Variants in SCAF11 observed in about 807,000 individuals in gnomAD.
SCAF11 encodes the protein SR-related CTD associated factor 11, also known as protein SCAF11.
Under a neutral mutation model 140.5 loss-of-function variants are expected in SCAF11, and 47 were observed. The observed-to-expected ratio is 0.33, with a 90% confidence interval of 0.26 to 0.43. The LOEUF (loss-of-function observed/expected upper bound fraction) is 0.43. SCAF11 is among the 20% of genes least tolerant of loss of function. SCAF11 has a pLI of 1.00. For synonymous variants in SCAF11, 557 were observed against 579.4 expected (o/e 0.96, Z 0.55); for missense variants, 1,645 against 1,705.1 (o/e 0.96, Z 0.62).
At chr12:45,951,251 A>G (rs1311871623) in intron 4 of SCAF11, among the ~76,000 whole-genome samples, 1 of 152,104 alleles carries the variant, frequency 6.6e-6, no homozygotes, top group African/African-American at 2.4e-5. Context: ...TTCATTTCAA[A>G]CATTTTTTCA....
chr12:45,940,620 A>C (rs1741697923), intron 6 of SCAF11, among the ~76,000 whole-genome samples: 1 of 152,230 alleles, frequency 6.6e-6, no homozygotes, highest in Admixed American at 6.5e-5. Context: ...AGACAGAGTT[A>C]TCTTATTAAC....
At chr12:45,972,941 T>C (rs868315376) in intron 1 of SCAF11, among the ~76,000 whole-genome samples, 1 of 108,588 alleles carries the variant, frequency 9.2e-6, no homozygotes, top group African/African-American at 3.5e-5. Flanking sequence ...TATATATAGA[T>C]ATATATATAG....
chr12:45,930,035 C>A (rs1945004031), intron 10 of SCAF11: 1 of 151,974 alleles, frequency 6.6e-6, no homozygotes, highest in Admixed American at 6.6e-5. Context: ...TGTATTCTTA[C>A]AATAAAAGAA....
intron 13 of SCAF11, 65 bp from the exon 14 acceptor site, chr12:45,922,647 A>G: frequency 6.9e-7 from 1 of 1,447,584 alleles, no homozygotes; most frequent in Non-Finnish European, 9.3e-7. Context: ...AATCCCAAAC[A>G]AGAAATTGAA....
intron 9 of SCAF11, 68 bp from the exon 10 acceptor site, chr12:45,931,680 T>A: frequency 1.3e-6 from 1 of 783,100 alleles, no homozygotes; most frequent in Non-Finnish European, 2.0e-6. Context: ...TTAAAAGTAT[T>A]AATTCTCTAA....
chr12:45,926,682 C>T lies in SCAF11; in HGVS notation c.3019G>A (p.Ala1007Thr), dbSNP rs761122008. ...RKEKNDIHLD[A>T]DDPNSADKHR... is the part of the protein sequence containing the mutation. ...TTGTCAGCAGAATTTGGATCATCAG[C>T]ATCTAGATGGATGTCATTTTTTTCT... Residue 1007 changes from alanine (A) to threonine (T), a missense_variant, in exon 11 of 15, where the codon GCT (alanine) becomes ACT (threonine). This residue lies in a region of SCAF11 where 1,582 missense variants were observed against 1,609.2 expected (regional missense o/e 0.98). Coordinates refer to ENST00000369367, the MANE Select transcript of SCAF11 (RefSeq NM_004719.3). 6.2e-7 allele frequency: 1 copy of T among 1,613,564 alleles called. No individual in the cohort carries two copies. Among genetic ancestry groups the T allele is most frequent in the Non-Finnish European group, 8.5e-7 (1 of 1,179,988 alleles).
chr12:45,985,356 T>A (rs1423465959), intron 1 of SCAF11, among the ~76,000 whole-genome samples: 3 of 152,166 alleles, frequency 2.0e-5, no homozygotes, highest in African/African-American at 4.8e-5. Context: ...ATAACTTTTT[T>A]CTCTACTTAG....
chr12:45,930,820 A>G (rs1023982802), intron 10 of SCAF11: 8 of 152,176 alleles, frequency 5.3e-5, no homozygotes, highest in Non-Finnish European at 7.4e-5. Flanking sequence ...TATTTTATAC[A>G]TTAATGACAT....
chr12:45,930,691 T>G (rs1040492198), intron 10 of SCAF11, among the ~76,000 whole-genome samples: 1 of 152,160 alleles, frequency 6.6e-6, no homozygotes, highest in African/African-American at 2.4e-5. Flanking sequence ...TTCTTATGAC[T>G]GCAAATGGTG....
At chr12:45,942,786 C>A (rs1945334981) in intron 6 of SCAF11, among the ~76,000 whole-genome samples, 1 of 152,196 alleles carries the variant, frequency 6.6e-6, no homozygotes, top group Non-Finnish European at 1.5e-5. Context: ...AATGTCATCA[C>A]CCTTTAATCT....
At chr12:45,956,317 A>G (rs1592200467) in intron 3 of SCAF11, 1 of 607,330 alleles carries the variant, frequency 1.6e-6, no homozygotes, top group Non-Finnish European at 2.9e-6. Context: ...AACAAAATAG[A>G]GCATGTTATA....
chr12:45,919,668 A>T lies in SCAF11; in HGVS notation c.*2380T>A, dbSNP rs1206291430. On this transcript the variant is annotated 3_prime_UTR_variant, in exon 15 of 15. Coordinates refer to ENST00000369367, the MANE Select transcript of SCAF11 (RefSeq NM_004719.3). ...CTAATACATTCTTAAACATTTCAAA[A>T]TTTTAAAAGTTCGAATTCTAATCAA... is the stretch of plus-strand genomic sequence containing the variant. 6.6e-6 allele frequency: 1 copy of T among 152,220 alleles called. No homozygotes were observed. Among genetic ancestry groups the T allele is most frequent in the Non-Finnish European group, 1.5e-5 (1 of 68,032 alleles). 9.4% of individuals were successfully genotyped at this position (152,220 alleles called of 1,614,324 possible).
At chr12:45,975,822 G>A (rs1946220360) in intron 1 of SCAF11, 1 of 152,098 alleles carries the variant, frequency 6.6e-6, no homozygotes, top group African/African-American at 2.4e-5. Context: ...GCAAACATAA[G>A]TTACCTGTCT....
At chr12:45,940,714 T>C (rs1945275631) in intron 6 of SCAF11, among the ~76,000 whole-genome samples, 1 of 152,268 alleles carries the variant, frequency 6.6e-6, no homozygotes, top group Admixed American at 6.5e-5. Flanking sequence ...GGTTAGTTTA[T>C]CTAAAACAGT....
chr12:45,962,868 T>G (rs11183251), intron 2 of SCAF11, among the ~76,000 whole-genome samples: 1 of 152,200 alleles, frequency 6.6e-6, no homozygotes, highest in South Asian at 2.1e-4. Context: ...TAGGCCCTCA[T>G]AGATTTAATT....
chr12:45,928,407 T>C lies in SCAF11; in HGVS notation c.1294A>G (p.Ile432Val). The stretch of plus-strand genomic sequence containing the variant: ...TCTACATGAGTCTGCACAGTACAAA[T>C]GTTACTACTGTCTACATCTGGTTGG... ...EHQPDVDSSN[I>V]CTVQTHVENQ... Residue 432 changes from isoleucine to valine, a missense_variant, in exon 11 of 15, where the codon ATT (isoleucine) becomes GTT (valine). Physicochemically the swap from Ile to Val is conservative, Grantham distance 29 (BLOSUM62 3). Transcript: ENST00000369367. 6.2e-7 allele frequency: 1 copy of C among 1,613,798 alleles called. No homozygotes were observed. The highest frequency in any genetic ancestry group is 8.5e-7 in the Non-Finnish European group (1 of 1,179,676).
Position 45,990,293 on chromosome 12 carries a change from C to A in SCAF11, c.-22+60G>T, listed in dbSNP as rs1417358205. 8 of 1,231,186 alleles carry A rather than the reference C, an allele frequency of 6.5e-6. No homozygotes were observed. The African/African-American group carries it at 7.8e-5, about 12-fold the overall frequency. The allele number at this position is 1,231,186 out of a possible 1,614,324, so 76.3% of individuals were successfully genotyped here. A position where few individuals can be genotyped will look rare whatever the true frequency, so the allele number is the denominator to read the frequency against. On this transcript the variant is annotated intron_variant, in intron 1 of 14. Transcript: ENST00000369367. ...CCAGCGCTCTGCGCCGGCCGCTAACCCTCGTCTCTCCCAGACAGCTGCCCA... is the reference window on the plus strand; with the variant it reads ...CCAGCGCTCTGCGCCGGCCGCTAACACTCGTCTCTCCCAGACAGCTGCCCA...
intron 4 of SCAF11, among the ~76,000 whole-genome samples, chr12:45,951,324 C>T (rs949070182): frequency 2.6e-5 from 4 of 152,164 alleles, no homozygotes; most frequent in Admixed American, 6.5e-5. Context: ...AAGAAGTCCT[C>T]GCATTCAAGA....
At position 45,973,645 on chromosome 12, in the gene SCAF11, G is replaced by A. The variant is rs113492271; in HGVS notation, c.-21-9457C>T. ...AGGGAGTTTAATGATTTGAATCACC[G>A]GTGATTTCTTATCAGAAACCATGCA... On this transcript the variant is annotated intron_variant, in intron 1 of 14. Transcript: ENST00000369367. Among the ~76,000 whole-genome samples the A allele has an allele frequency of 7.9e-3, 1,197 of 152,148 alleles. 12 individuals are homozygous for A. The highest frequency in any genetic ancestry group is 0.027 in the African/African-American group (1,117 of 41,494).
Sources: gnomAD v4.1 joint callset for allele counts (sites outside exome capture counted in the v4.1 genomes callset) on GRCh38, gnomAD v4.1.1 for gene constraint, gnomAD v4.1.1 regional missense constraint, MANE v1.5 for transcripts, NCBI Gene and HGNC (gene_info 2026-07-23, HGNC 2026-07-21) for gene names.